PRMT9: variants seen among roughly 807,000 people sequenced by gnomAD.
The protein encoded by PRMT9 is protein arginine N-methyltransferase 9.
In PRMT9, 59 loss-of-function variants were observed where a neutral mutation model predicts 83.2. The observed-to-expected ratio is 0.71, with a 90% CI of 0.57 to 0.88. The LOEUF is 0.88. Ranked by LOEUF, PRMT9 falls within the 40% of genes least tolerant of loss-of-function variation. The pLI, the probability that PRMT9 is intolerant of heterozygous loss-of-function variation, is 0.00. For missense variants in PRMT9, 947 were observed against 1,021.9 expected (o/e 0.93, Z 1.00); for synonymous variants, 333 against 353.2 (o/e 0.94, Z 0.64).
chr4:147,647,990 G>A (rs373586851), intron 9 of PRMT9, among the ~76,000 whole-genome samples: 1 of 7,546 alleles, frequency 1.3e-4, no homozygotes. Flanking sequence ...TATATTTACG[G>A]ATTTATTACA....
chr4:147,662,600 A>G (rs888662873), intron 6 of PRMT9, among the ~76,000 whole-genome samples: 1 of 152,214 alleles, frequency 6.6e-6, no homozygotes, highest in East Asian at 1.9e-4. Flanking sequence ...CAGGAGTTAA[A>G]GACCAGCATG....
At chr4:147,656,119 G>C (rs1466167845) in intron 8 of PRMT9, among the ~76,000 whole-genome samples, 1 of 152,178 alleles carries the variant, frequency 6.6e-6, no homozygotes, top group Non-Finnish European at 1.5e-5. Context: ...GAATGAGTAA[G>C]TAGCAGAGAC....
In PRMT9 at chr4:147,657,856, TA is replaced by T; in HGVS notation, c.1265del (p.Leu422TyrfsTer26). ...ATGTTTCCTCACTAGGACTTGTGGA[TA>T]AACTATGTTCATCATCAAGCTGGAG... The part of the protein sequence containing the change: ...FVLQLDDEHS[L>X]STSPSEETCW... On this transcript the variant is annotated frameshift_variant, in exon 8 of 12. Transcript: ENST00000322396. LOFTEE classifies it high-confidence loss of function. 1.9e-6 allele frequency: 3 copies of T among 1,611,230 alleles called. No homozygotes were observed. The highest frequency in any genetic ancestry group is 2.5e-6 in the Non-Finnish European group (3 of 1,179,580).
Position 147,638,605 on chromosome 4 carries a change from A to G in PRMT9, c.2465T>C (p.Val822Ala), listed in dbSNP as rs748662468. 5.6e-6 allele frequency: 9 copies of G among 1,613,694 alleles called. No homozygotes were observed. Among genetic ancestry groups the G allele is most frequent in the South Asian group, 3.3e-5 (3 of 91,072 alleles). Reference sequence around the variant, plus strand: ...GAGTACAAGTTCCTCTCCCATTTCAACCTGGATGGGATTATCTAAAACAAC... The same window carrying G: ...GAGTACAAGTTCCTCTCCCATTTCAGCCTGGATGGGATTATCTAAAACAAC... ...AAVVLDNPIQ[V>A]EMGEELVLSI... is the part of the protein sequence containing the mutation. Residue 822 changes from valine (V) to alanine (A), a missense_variant, in exon 12 of 12, where the codon GTT becomes GCT. Physicochemically the swap from Val to Ala is moderately conservative, Grantham distance 64. Transcript: ENST00000322396.
chr4:147,639,013 A>G lies in PRMT9; in HGVS notation c.2269T>C (p.Leu757=), dbSNP rs1214447268. 2 of 1,612,586 alleles carry G rather than the reference A, an allele frequency of 1.2e-6. No homozygotes were observed. Among genetic ancestry groups the G allele is most frequent in the Admixed American group, 1.7e-5 (1 of 60,014 alleles). ...TACGGAGTCATTAAATCTAGTCTTA[A>G]GAGTTCCACTGGCTTGCTTAAAGGT... is the stretch of plus-strand genomic sequence containing the variant. The part of the protein sequence containing the change: ...CIPLSKPVEL[L]RLDLMTPYLN... Residue 757 remains leucine (L), a synonymous_variant, in exon 11 of 12, where the codon TTA becomes CTA. Transcript: ENST00000322396.
chr4:147,660,852 GTTGT>G lies in PRMT9; in HGVS notation c.1136_1139del (p.Asn379ThrfsTer5). 1 of 1,609,908 alleles carries G rather than the reference GTTGT, an allele frequency of 6.2e-7. No individual in the cohort carries two copies. Among genetic ancestry groups the G allele is most frequent in the Non-Finnish European group, 8.5e-7 (1 of 1,176,470 alleles). On this transcript the variant is annotated frameshift_variant, in exon 7 of 12. Coordinates refer to ENST00000322396, the MANE Select transcript of PRMT9 (RefSeq NM_138364.4). LOFTEE classifies it high-confidence loss of function. ...GTAACTGAATTTTTTTCACCTGAAG[GTTGT>G]TGAAATCTACTGTCATAATTTCAAA...
chr4:147,643,942 G>A (rs1397130424), intron 9 of PRMT9, among the ~76,000 whole-genome samples: 1 of 152,168 alleles, frequency 6.6e-6, no homozygotes, highest in African/African-American at 2.4e-5. Flanking sequence ...CAGTGACAGT[G>A]ACTGCACCAC....
intron 9 of PRMT9, among the ~76,000 whole-genome samples, chr4:147,652,420 C>T (rs1734168092): frequency 6.6e-6 from 1 of 151,950 alleles, no homozygotes; most frequent in African/African-American, 2.4e-5. Context: ...CCGCTGCACT[C>T]CAGCCTGGCG....
chr4:147,660,827 G>C lies in PRMT9; in HGVS notation c.1146+19C>G. 1 of 1,549,908 alleles carries C rather than the reference G, an allele frequency of 6.5e-7. No individual in the cohort carries two copies. Among genetic ancestry groups the C allele is most frequent in the East Asian group, 2.2e-5 (1 of 44,516 alleles). ...GCATGAAATTTAATGCTTGAAAATA[G>C]TAACTGAATTTTTTTCACCTGAAGG... On this transcript the variant is annotated intron_variant, in intron 7 of 11. Transcript: ENST00000322396.
At chr4:147,656,057 T>C (rs1414315090) in intron 8 of PRMT9, among the ~76,000 whole-genome samples, 1 of 152,180 alleles carries the variant, frequency 6.6e-6, no homozygotes, top group Non-Finnish European at 1.5e-5. Flanking sequence ...CCCGTTTTTA[T>C]ATATGATACA....
chr4:147,664,823 T>A (rs1396594398), intron 6 of PRMT9, among the ~76,000 whole-genome samples: 1 of 151,736 alleles, frequency 6.6e-6, no homozygotes, highest in African/African-American at 2.4e-5. Flanking sequence ...TTAAATTTTT[T>A]AAAAAAACAG....
intron 3 of PRMT9, among the ~76,000 whole-genome samples, 157 bp from the exon 4 acceptor site, chr4:147,673,283 T>C (rs1252066784): frequency 6.6e-6 from 1 of 152,206 alleles, no homozygotes; most frequent in Non-Finnish European, 1.5e-5. Flanking sequence ...TATTCTTGTC[T>C]AGAAACAAAT....
chr4:147,677,672 GTCTCGAAC>G (rs1475768473), intron 2 of PRMT9, among the ~76,000 whole-genome samples: 1 of 151,832 alleles, frequency 6.6e-6, no homozygotes, highest in East Asian at 1.9e-4. Context: ...GGCCAGGCTG[GTCTCGAAC>G]TCCTGACCTC....
chr4:147,660,705 A>T (rs1734891193), intron 7 of PRMT9, 141 bp downstream of exon 7: 1 of 621,894 alleles, frequency 1.6e-6, no homozygotes, highest in Non-Finnish European at 2.9e-6. Flanking sequence ...AGAAATTCTA[A>T]TTACCCTTTA....
rs527583906 is a variant in PRMT9, at chr4:147,682,792, G to T, written c.189+1007C>A. On this transcript the variant is annotated intron_variant, in intron 1 of 11. Coordinates refer to ENST00000322396, the MANE Select transcript of PRMT9 (RefSeq NM_138364.4). The stretch of plus-strand genomic sequence containing the variant: ...TATCATCTCCTCCTCAAGTAGGACA[G>T]CTGGTCCTGAAATTTACACTAAGTT... Among the ~76,000 whole-genome samples the T allele has an allele frequency of 3.3e-5, 5 of 152,296 alleles. No homozygotes were observed. The South Asian group carries it at 1.0e-3, about 32-fold the overall frequency.
chr4:147,649,533 C>T (rs971327864), intron 9 of PRMT9, among the ~76,000 whole-genome samples: 2 of 151,948 alleles, frequency 1.3e-5, no homozygotes, highest in African/African-American at 4.8e-5. Flanking sequence ...TGGAGTTTCA[C>T]TCTTGTTGCC....
Position 147,681,216 on chromosome 4 carries a change from C to G in PRMT9, c.190-745G>C, listed in dbSNP as rs1736448566. On this transcript the variant is annotated intron_variant, in intron 1 of 11. Transcript: ENST00000322396. ...CACTGTTTCAAACCTAGCCAATGCTCTCTCAATATCTTTAAATCTGTTACC... is the reference window on the plus strand; with the variant it reads ...CACTGTTTCAAACCTAGCCAATGCTGTCTCAATATCTTTAAATCTGTTACC... Among the ~76,000 whole-genome samples the G allele has an allele frequency of 9.2e-5, 14 of 152,326 alleles. No homozygotes were observed. The South Asian group carries it at 2.7e-3, about 29-fold the overall frequency.
chr4:147,657,746 A>T, intron 8 of PRMT9, 46 bp downstream of exon 8: 1 of 1,442,646 alleles, frequency 6.9e-7, no homozygotes, highest in Non-Finnish European at 9.7e-7. Context: ...TTGAATACTT[A>T]GAAGATTAAA....
intron 2 of PRMT9, among the ~76,000 whole-genome samples, chr4:147,679,844 G>A (rs530545637): frequency 7.9e-4 from 121 of 152,334 alleles, no homozygotes; most frequent in African/African-American, 2.8e-3. Flanking sequence ...ATGCATGGCA[G>A]CTAGCAGCAT....
Sources: allele counts gnomAD v4.1 joint callset (sites outside exome capture counted in the v4.1 genomes callset), GRCh38; gene constraint gnomAD v4.1.1; transcripts MANE v1.5; gene names NCBI Gene and HGNC (gene_info 2026-07-23, HGNC 2026-07-21).